ADK: variants seen among roughly 807,000 people sequenced by gnomAD.
The protein encoded by ADK is N6,N6-dimethyladenosine kinase.
ADK carries 24 observed loss-of-function variants against 44.7 expected under a neutral mutation model. The ratio of observed to expected loss-of-function variants is 0.54; its 90% CI spans 0.39 to 0.76. The LOEUF is 0.76. Among genes scored for constraint, ADK ranks in the 30% least tolerant of loss-of-function variants. ADK has a pLI of 0.00. For synonymous variants in ADK, 128 were observed against 142.6 expected, an observed-to-expected ratio of 0.90 and a Z score of 0.73; for missense variants, 321 against 425.1, an observed-to-expected ratio of 0.76 and a Z score of 2.15.
intron 7 of ADK, among the ~76,000 whole-genome samples, chr10:74,549,185 G>A (rs1849942932): frequency 1.3e-5 from 2 of 151,950 alleles, no homozygotes; most frequent in Admixed American, 1.3e-4. Context: ...GTACTGTAAG[G>A]GAAAAGTATA....
intron 3 of ADK, among the ~76,000 whole-genome samples, chr10:74,265,474 A>G (rs1201885709): frequency 6.6e-6 from 1 of 152,256 alleles, no homozygotes; most frequent in East Asian, 1.9e-4. Context: ...TTGGCCTCCA[A>G]AAGTGCTGGC....
At chr10:74,350,875 C>T (rs1841940419) in intron 4 of ADK, among the ~76,000 whole-genome samples, 2 of 152,114 alleles carry the variant, frequency 1.3e-5, no homozygotes, top group Admixed American at 1.3e-4. Flanking sequence ...AAGACTAATC[C>T]AGGGAGAAGT....
chr10:74,532,253 G>A (rs1386186628), intron 7 of ADK, among the ~76,000 whole-genome samples: 1 of 151,760 alleles, frequency 6.6e-6, no homozygotes, highest in Non-Finnish European at 1.5e-5. Flanking sequence ...ATCCCAATAG[G>A]GATTGGTGAG....
chr10:74,405,418 A>C (rs1843884192), intron 6 of ADK, among the ~76,000 whole-genome samples: 1 of 150,774 alleles, frequency 6.6e-6, no homozygotes, highest in Non-Finnish European at 1.5e-5. Context: ...AGTTTAGATT[A>C]ATGTATAGCT....
At chr10:74,580,241 A>T (rs1851328575) in intron 7 of ADK, among the ~76,000 whole-genome samples, 1 of 152,100 alleles carries the variant, frequency 6.6e-6, no homozygotes, top group Admixed American at 6.5e-5. Context: ...TCCTATTCTC[A>T]TGGTAGTGTA....
chr10:74,160,897 T>A (rs1841879498), intron 1 of ADK, among the ~76,000 whole-genome samples: 1 of 152,064 alleles, frequency 6.6e-6, no homozygotes, highest in Non-Finnish European at 1.5e-5. Flanking sequence ...CATTTTAGCA[T>A]GTACAATATT....
At chr10:74,633,938 G>A (rs944176959) in intron 9 of ADK, among the ~76,000 whole-genome samples, 6 of 152,186 alleles carry the variant, frequency 3.9e-5, no homozygotes, top group Non-Finnish European at 5.9e-5. Context: ...TTTCAGAAAG[G>A]AGAAAAACCA....
intron 7 of ADK, among the ~76,000 whole-genome samples, chr10:74,538,389 T>C (rs962446437): frequency 3.9e-5 from 6 of 152,200 alleles, no homozygotes; most frequent in African/African-American, 1.2e-4. Context: ...ATATTAAAAA[T>C]CTCTAATATA....
chr10:74,496,363 G>A (rs1034623198), intron 6 of ADK, among the ~76,000 whole-genome samples: 1 of 152,170 alleles, frequency 6.6e-6, no homozygotes, highest in Non-Finnish European at 1.5e-5. Flanking sequence ...AATCATGGGG[G>A]TGGTTTCCTC....
At chr10:74,277,019 G>A (rs931645296) in intron 3 of ADK, among the ~76,000 whole-genome samples, 1 of 152,014 alleles carries the variant, frequency 6.6e-6, no homozygotes, top group Non-Finnish European at 1.5e-5. Flanking sequence ...CCCAGTTCAA[G>A]CGATTCTCCT....
Position 74,659,857 on chromosome 10 carries a change from G to T in ADK, c.878-10326G>T, listed in dbSNP as rs183536556. 2.6e-5 allele frequency among the ~76,000 whole-genome samples: 4 copies of T among 152,250 alleles called. No homozygotes were observed. In the East Asian group the frequency reaches 5.8e-4, roughly 22 times the overall value. ...CAGCTGATTAGATGGTGCCCACCAA[G>T]ATTAAGGGTGGGTCTGCCTTCCCCA... On this transcript the variant is annotated intron_variant, in intron 9 of 10. Coordinates refer to ENST00000539909, the MANE Select transcript of ADK (RefSeq NM_006721.4).
chr10:74,593,327 T>A (rs1159597554), intron 8 of ADK, among the ~76,000 whole-genome samples: 1 of 152,150 alleles, frequency 6.6e-6, no homozygotes, highest in African/African-American at 2.4e-5. Context: ...ATTTACTGAG[T>A]TCTTACTATG....
intron 4 of ADK, among the ~76,000 whole-genome samples, chr10:74,370,503 C>T (rs997263982): frequency 5.3e-5 from 8 of 152,228 alleles, no homozygotes; most frequent in Non-Finnish European, 1.2e-4. Flanking sequence ...ATAACATTGA[C>T]CATCTGCTTT....
chr10:74,656,456 G>C (rs917758760), intron 9 of ADK, among the ~76,000 whole-genome samples: 1 of 152,196 alleles, frequency 6.6e-6, no homozygotes, highest in Non-Finnish European at 1.5e-5. Flanking sequence ...TCTGTGGGAA[G>C]GTGCAGGCTT....
intron 4 of ADK, among the ~76,000 whole-genome samples, chr10:74,318,133 A>G (rs1840689624): frequency 6.6e-6 from 1 of 152,136 alleles, no homozygotes; most frequent in Non-Finnish European, 1.5e-5. Context: ...CATACCAAAA[A>G]AATACTCAAA....
Position 74,525,416 on chromosome 10 carries a change from G to C in ADK, c.716G>C (p.Gly239Ala), listed in dbSNP as rs1848998090. 6.2e-7 allele frequency: 1 copy of C among 1,612,000 alleles called. No homozygotes were observed. The highest frequency in any genetic ancestry group is 8.5e-7 in the Non-Finnish European group (1 of 1,179,440). ...KVMPYVDILF[G>A]NETEAATFAR... ...ATGCCTTATGTTGATATACTTTTTGGAAATGAGACAGTGAGTTACCTTTCC... is the reference window on the plus strand; with the variant it reads ...ATGCCTTATGTTGATATACTTTTTGCAAATGAGACAGTGAGTTACCTTTCC... Residue 239 changes from glycine to alanine, a missense_variant, in exon 7 of 11, where the codon GGA becomes GCA. Physicochemically the swap from Gly to Ala is moderately conservative, Grantham distance 60 (BLOSUM62 0). Coordinates refer to ENST00000539909, the MANE Select transcript of ADK (RefSeq NM_006721.4).
intron 1 of ADK, among the ~76,000 whole-genome samples, chr10:74,187,533 C>T (rs1303511338): frequency 6.6e-6 from 1 of 151,888 alleles, no homozygotes; most frequent in Non-Finnish European, 1.5e-5. Context: ...CTCTCTCTCT[C>T]TCTAAATATT....
At chr10:74,470,085 C>T (rs575626533) in intron 6 of ADK, among the ~76,000 whole-genome samples, 33 of 145,122 alleles carry the variant, frequency 2.3e-4, no homozygotes, top group South Asian at 4.3e-4. Context: ...AATGCAATGG[C>T]GCAATCTGAG....
chr10:74,396,419 C>T (rs1422955951), intron 5 of ADK, among the ~76,000 whole-genome samples: 5 of 151,738 alleles, frequency 3.3e-5, no homozygotes, highest in Non-Finnish European at 7.4e-5. Context: ...CTGTGGTCCC[C>T]GCTGCTTGGG....
Sources: allele counts gnomAD v4.1 joint callset (sites outside exome capture counted in the v4.1 genomes callset), GRCh38; gene constraint gnomAD v4.1.1; transcripts MANE v1.5; gene names NCBI Gene and HGNC (gene_info 2026-07-23, HGNC 2026-07-21).